TNR: variants seen among roughly 807,000 people sequenced by gnomAD.
The protein encoded by TNR is tenascin R, also known as tenascin-R.
In TNR, 45 loss-of-function variants were observed where a neutral mutation model predicts 150.4. That is an observed-to-expected ratio of 0.30 (90% confidence interval 0.24 to 0.38). TNR has a LOEUF of 0.38. TNR is among the 10% of genes least tolerant of loss of function. The pLI is 1.00. For synonymous variants in TNR, 687 were observed against 678.4 expected (o/e 1.01, Z -0.20); for missense variants, 1,544 against 1,759.1 (o/e 0.88, Z 2.19).
At position 175,515,937 on chromosome 1, in the gene TNR, C is replaced by T. The variant is rs532975999; in HGVS notation, c.-64+12332G>A. Reference sequence around the variant, plus strand: ...TATGAAGAAAATAGTAGGAAAGTGGCAAACCTGGAAGGTTCTTGTTGGTGG... The same window carrying T: ...TATGAAGAAAATAGTAGGAAAGTGGTAAACCTGGAAGGTTCTTGTTGGTGG... On this transcript the variant is annotated intron_variant, in intron 2 of 22. Transcript: ENST00000367674. 3.3e-5 allele frequency among the ~76,000 whole-genome samples: 5 copies of T among 152,302 alleles called. No individual in the cohort carries two copies. In the South Asian group the frequency reaches 1.0e-3, roughly 32 times the overall value.
chr1:175,426,120 A>G (rs999929597), intron 2 of TNR, among the ~76,000 whole-genome samples: 1 of 152,190 alleles, frequency 6.6e-6, no homozygotes, highest in African/African-American at 2.4e-5. Context: ...AAGAGAGCGC[A>G]GCGTCTGTAT....
intron 2 of TNR, among the ~76,000 whole-genome samples, chr1:175,422,613 C>T (rs1363356757): frequency 6.6e-6 from 1 of 152,232 alleles, no homozygotes; most frequent in East Asian, 1.9e-4. Context: ...TTCCTGCCTA[C>T]CCACTTTGCA....
At chr1:175,336,666 C>G (rs768570216) in intron 19 of TNR, among the ~76,000 whole-genome samples, 18 of 152,208 alleles carry the variant, frequency 1.2e-4, no homozygotes, top group Non-Finnish European at 2.1e-4. Context: ...TGACAGGAAA[C>G]AGTGTCTCTC....
At chr1:175,519,832 A>G (rs1440853906) in intron 2 of TNR, among the ~76,000 whole-genome samples, 3 of 152,230 alleles carry the variant, frequency 2.0e-5, no homozygotes, top group Non-Finnish European at 4.4e-5. Flanking sequence ...TGGAAGTGAC[A>G]AGATTCAACT....
chr1:175,593,545 G>A (rs889318743), intron 1 of TNR, among the ~76,000 whole-genome samples: 3 of 152,168 alleles, frequency 2.0e-5, no homozygotes, highest in African/African-American at 7.2e-5. Context: ...TGTCAGCTGA[G>A]GTTTTAGGAG....
chr1:175,417,769 G>T (rs1654566333), intron 2 of TNR, among the ~76,000 whole-genome samples: 1 of 152,060 alleles, frequency 6.6e-6, no homozygotes, highest in Non-Finnish European at 1.5e-5. Context: ...AATATCAAAT[G>T]ACAGATTCAA....
intron 14 of TNR, among the ~76,000 whole-genome samples, chr1:175,361,923 C>T (rs1473680193): frequency 3.3e-5 from 5 of 152,314 alleles, no homozygotes; most frequent in East Asian, 1.9e-4. Context: ...AGCCCCATTG[C>T]GTGGGCTTGT....
intron 1 of TNR, among the ~76,000 whole-genome samples, chr1:175,697,056 C>A (rs963760091): frequency 2.0e-5 from 3 of 150,772 alleles, no homozygotes; most frequent in Non-Finnish European, 2.9e-5. Context: ...AAAAAAAAAA[C>A]CAGAAACCTG....
At chr1:175,416,918 G>A (rs1654487379) in intron 2 of TNR, among the ~76,000 whole-genome samples, 1 of 152,108 alleles carries the variant, frequency 6.6e-6, no homozygotes, top group Non-Finnish European at 1.5e-5. Flanking sequence ...TGAGGCAGGA[G>A]AATGGCGTGA....
intron 18 of TNR, among the ~76,000 whole-genome samples, chr1:175,345,033 G>A (rs1043574545): frequency 2.0e-5 from 3 of 151,430 alleles, no homozygotes; most frequent in Non-Finnish European, 2.9e-5. Flanking sequence ...TCTTGAACCC[G>A]GGAGACGGAG....
rs1663189757 is a variant in TNR, at chr1:175,600,432, A to G, written c.-164-72063T>C. On this transcript the variant is annotated intron_variant, in intron 1 of 22. Transcript: ENST00000367674. ...GTTTTGTATGTTACTCTTGGCTACC[A>G]ATATCTATTTGATTTAAAGGTGATT... is the stretch of plus-strand genomic sequence containing the variant. Among the ~76,000 whole-genome samples the G allele has an allele frequency of 2.0e-5, 3 of 152,302 alleles. No homozygotes were observed. The South Asian group carries it at 6.2e-4, about 32-fold the overall frequency.
chr1:175,638,434 C>T (rs964895966), intron 1 of TNR, among the ~76,000 whole-genome samples: 1 of 152,214 alleles, frequency 6.6e-6, no homozygotes, highest in Non-Finnish European at 1.5e-5. Flanking sequence ...CCCATTTGGA[C>T]TGACTTTCCT....
chr1:175,631,721 T>A (rs1664333977), intron 1 of TNR, among the ~76,000 whole-genome samples: 1 of 152,106 alleles, frequency 6.6e-6, no homozygotes, highest in South Asian at 2.1e-4. Context: ...TGTGTGTTTG[T>A]GTGTGTGATG....
chr1:175,351,160 A>G (rs1651034149), intron 18 of TNR, among the ~76,000 whole-genome samples: 1 of 152,220 alleles, frequency 6.6e-6, no homozygotes. Context: ...AGTCTTGCAT[A>G]TAAGTGAAGA....
intron 7 of TNR, among the ~76,000 whole-genome samples, chr1:175,389,208 C>T (rs573084467): frequency 2.6e-5 from 4 of 152,308 alleles, no homozygotes; most frequent in South Asian, 2.1e-4. Flanking sequence ...GAAACAGCCC[C>T]GGAAGCAAGC....
At chr1:175,390,753 C>T (rs998060922) in intron 7 of TNR, among the ~76,000 whole-genome samples, 1 of 152,192 alleles carries the variant, frequency 6.6e-6, no homozygotes, top group Non-Finnish European at 1.5e-5. Flanking sequence ...AGTATATGTG[C>T]GTATACCAAG....
intron 2 of TNR, among the ~76,000 whole-genome samples, chr1:175,484,684 C>T (rs1657937630): frequency 6.6e-6 from 1 of 152,182 alleles, no homozygotes; most frequent in African/African-American, 2.4e-5. Context: ...CCTCCAGACT[C>T]TTTTCTCTAT....
chr1:175,378,009 G>A (rs1292611856), intron 9 of TNR, among the ~76,000 whole-genome samples: 1 of 152,122 alleles, frequency 6.6e-6, no homozygotes, highest in African/African-American at 2.4e-5. Context: ...CCAGGGGACA[G>A]GGAACACTTC....
At chr1:175,526,286 G>T (rs546133528) in intron 2 of TNR, among the ~76,000 whole-genome samples, 3 of 152,250 alleles carry the variant, frequency 2.0e-5, no homozygotes, top group Non-Finnish European at 2.9e-5. Context: ...CTCAATAAAG[G>T]TTATTGTCTG....
Sources: allele counts gnomAD v4.1 joint callset (sites outside exome capture counted in the v4.1 genomes callset), GRCh38; gene constraint gnomAD v4.1.1; transcripts MANE v1.5; gene names NCBI Gene and HGNC (gene_info 2026-07-23, HGNC 2026-07-21).